The following ZNF730 variants were observed in gnomAD, a reference collection of about 807,000 sequenced individuals.
The protein encoded by ZNF730 is zinc finger protein 730.
ZNF730 carries 12 observed loss-of-function variants against 12.6 expected under a neutral mutation model. The observed-to-expected ratio is 0.95, with a 90% confidence interval of 0.61 to 1.54. The LOEUF (loss-of-function observed/expected upper bound fraction) is 1.54, where lower values mean the gene tolerates loss of function less well. Ranked by LOEUF, ZNF730 falls within the 40% of genes most tolerant of loss-of-function variation. The pLI, the probability that ZNF730 is intolerant of heterozygous loss-of-function variation, is 0.00. For synonymous variants in ZNF730, 194 were observed against 195.8 expected, an observed-to-expected ratio of 0.99 and a Z score of 0.08; for missense variants, 643 against 583.5, an observed-to-expected ratio of 1.10 and a Z score of -1.05.
intron 1 of ZNF730, among the ~76,000 whole-genome samples, chr19:23,094,042 G>A (rs1970203034): frequency 6.6e-6 from 1 of 152,174 alleles, no homozygotes; most frequent in Non-Finnish European, 1.5e-5. Context: ...AGCAGAGGGT[G>A]CGATTGTGGC....
intron 1 of ZNF730, chr19:23,095,554 CAG>C (rs1348365546): frequency 7.5e-6 from 3 of 397,582 alleles, no homozygotes; most frequent in Non-Finnish European, 4.4e-6. Context: ...ATTCTGCCCT[CAG>C]AGGACATTGT....
At chr19:23,086,540 G>A (rs1970066988) in intron 1 of ZNF730, among the ~76,000 whole-genome samples, 1 of 152,102 alleles carries the variant, frequency 6.6e-6, no homozygotes. Context: ...TTTATTTATT[G>A]AAGAGAAAAT....
rs369579568 is a variant in ZNF730, at chr19:23,110,012, G to A, written c.-93-24068G>A. Among the ~76,000 whole-genome samples the A allele has an allele frequency of 3.3e-5, 5 of 151,056 alleles. No homozygotes were observed. In the East Asian group the frequency reaches 9.7e-4, roughly 29 times the overall value. On this transcript the variant is annotated intron_variant, in intron 1 of 2. Coordinates refer to the ZNF730 transcript ENST00000593635. ...ACGGAGTTTCACTTTTGTTGCCCAG[G>A]CTAGGGTGCAGTGGTGTGATCTTGG...
chr19:23,139,244 CTTTA>C (rs1970879052), intron 3 of ZNF730, among the ~76,000 whole-genome samples: 1 of 151,416 alleles, frequency 6.6e-6, no homozygotes, highest in Non-Finnish European at 1.5e-5. Context: ...ATTTTTTTTT[CTTTA>C]TTTAGCATTG....
At chr19:23,086,036 G>A (rs1970059483) in intron 1 of ZNF730, among the ~76,000 whole-genome samples, 2 of 151,446 alleles carry the variant, frequency 1.3e-5, no homozygotes, top group African/African-American at 2.4e-5. Flanking sequence ...ATAGAGACGG[G>A]GTTTCACCGT....
chr19:23,117,313 C>G, intron 1 of ZNF730, 137 bp downstream of exon 1: 1 of 1,514,528 alleles, frequency 6.6e-7, no homozygotes, highest in Non-Finnish European at 9.1e-7. Context: ...AGCTCGGCCT[C>G]AGTCCCCTTC....
Position 23,138,894 on chromosome 19 carries a change from T to G in ZNF730, c.226+2851T>G, listed in dbSNP as rs10418219. Among the ~76,000 whole-genome samples, 458 of 152,290 alleles carry G rather than the reference T, an allele frequency of 3.0e-3. 4 individuals carry two copies. Among genetic ancestry groups the G allele is most frequent in the African/African-American group, 0.011 (439 of 41,546 alleles). On this transcript the variant is annotated intron_variant, in intron 3 of 3. Coordinates refer to ENST00000597761, the MANE Select transcript of ZNF730 (RefSeq NM_001277403.2). ...TCATAAAGGCATTTTTTTTCAGGGA[T>G]TGCTGACAGATTTTCTTGCTGTAGG...
intron 1 of ZNF730, among the ~76,000 whole-genome samples, chr19:23,088,544 G>A (rs1004230649): frequency 6.6e-6 from 1 of 151,472 alleles, no homozygotes; most frequent in Non-Finnish European, 1.5e-5. Context: ...TCTCAGTGCA[G>A]CCTCCACCTA....
At chr19:23,131,122 A>C (rs1599595309) in intron 1 of ZNF730, among the ~76,000 whole-genome samples, 1 of 152,162 alleles carries the variant, frequency 6.6e-6, no homozygotes, top group Non-Finnish European at 1.5e-5. Flanking sequence ...CTGCAGATCT[A>C]CTCGTTGCTC....
At chr19:23,133,000 C>T (rs1970764480) in intron 1 of ZNF730, among the ~76,000 whole-genome samples, 1 of 152,198 alleles carries the variant, frequency 6.6e-6, no homozygotes, top group Non-Finnish European at 1.5e-5. Flanking sequence ...TGCATCAGCA[C>T]ATCATAAAAA....
chr19:23,117,299 G>A (rs1005099377), intron 1 of ZNF730, 123 bp downstream of exon 1: 4 of 1,560,710 alleles, frequency 2.6e-6, no homozygotes, highest in Non-Finnish European at 3.5e-6. Context: ...CAGAGTTCTT[G>A]CCCAGCTCGG....
intron 1 of ZNF730, chr19:23,098,282 T>C (rs925307672): frequency 1.1e-4 from 16 of 152,188 alleles, no homozygotes; most frequent in African/African-American, 3.9e-4. Context: ...GATGCAACTC[T>C]AGCACATAGG....
upstream of ZNF730, among the ~76,000 whole-genome samples, chr19:23,114,308 T>TC (rs200795225): frequency 6.3e-4 from 40 of 63,314 alleles, 4 homozygotes; most frequent in Non-Finnish European, 1.3e-3. Context: ...TTCTTTTCTT[T>TC]TTTTTTTTTT....
chr19:23,080,847 C>CTT (rs552923947), intron 1 of ZNF730, among the ~76,000 whole-genome samples: 15 of 125,060 alleles, frequency 1.2e-4, no homozygotes, highest in Non-Finnish European at 1.8e-4. Context: ...TTTTTCTTTT[C>CTT]TTTTTTTTTT....
chr19:23,136,493 C>T (rs1349391736), intron 3 of ZNF730, among the ~76,000 whole-genome samples: 1 of 152,156 alleles, frequency 6.6e-6, no homozygotes, highest in Non-Finnish European at 1.5e-5. Flanking sequence ...CAACCTCTGT[C>T]TCTCGGATTC....
At chr19:23,109,475 G>C (rs10402689) in intron 1 of ZNF730, among the ~76,000 whole-genome samples, 54,945 of 150,658 alleles carry the variant, frequency 0.36, 11,084 homozygotes, top group African/African-American at 0.55. Context: ...GTTGTGAGAT[G>C]TCGACTCACT....
At chr19:23,122,464 C>T (rs544914775) in intron 1 of ZNF730, among the ~76,000 whole-genome samples, 49 of 152,236 alleles carry the variant, frequency 3.2e-4, no homozygotes, top group African/African-American at 1.2e-3. Flanking sequence ...ATTTTAAGAG[C>T]ACACAAAAGT....
intron 1 of ZNF730, among the ~76,000 whole-genome samples, chr19:23,132,300 G>A (rs192303263): frequency 1.1e-3 from 168 of 152,188 alleles, no homozygotes; most frequent in Non-Finnish European, 2.0e-3. Flanking sequence ...AGAGAAAGAC[G>A]AGAAGAGAAA....
At chr19:23,082,350 A>AG in intron 1 of ZNF730, among the ~76,000 whole-genome samples, 1 of 146,232 alleles carries the variant, frequency 6.8e-6, no homozygotes, top group Non-Finnish European at 1.5e-5. Flanking sequence ...AAATAGCAGA[A>AG]TTTTTTTTTT....
Sources: gnomAD v4.1 joint callset for allele counts (sites outside exome capture counted in the v4.1 genomes callset) on GRCh38, gnomAD v4.1.1 for gene constraint, MANE v1.5 for transcripts, NCBI Gene and HGNC (gene_info 2026-07-23, HGNC 2026-07-21) for gene names.